Variants in MYO3A observed in about 807,000 individuals in gnomAD.
The protein encoded by MYO3A is myosin IIIA.
A neutral mutation model predicts 192.7 loss-of-function variants in MYO3A; 180 were observed. The observed-to-expected ratio is 0.93, with a 90% CI of 0.83 to 1.06. The LOEUF (loss-of-function observed/expected upper bound fraction) is 1.06. Ranked by LOEUF, MYO3A falls within the 50% of genes least tolerant of loss-of-function variation. MYO3A has a pLI of 0.00. For synonymous variants in MYO3A, 628 were observed against 645.3 expected (o/e 0.97, Z 0.41); for missense variants, 1,896 against 1,905.0 (o/e 1.00, Z 0.09).
chr10:26,114,148 A>G (rs73594304), intron 17 of MYO3A, among the ~76,000 whole-genome samples: 122 of 152,154 alleles, frequency 8.0e-4, no homozygotes, highest in African/African-American at 2.9e-3. Context: ...AGGAGCATCA[A>G]CACTATGGCC....
chr10:26,147,099 G>C (rs2131867664), intron 22 of MYO3A, among the ~76,000 whole-genome samples: 1 of 152,236 alleles, frequency 6.6e-6, no homozygotes, highest in East Asian at 1.9e-4. Context: ...ATGCCTTTGT[G>C]GCTCAATATG....
chr10:25,963,507 G>A (rs1838070094), intron 4 of MYO3A, among the ~76,000 whole-genome samples: 1 of 152,188 alleles, frequency 6.6e-6, no homozygotes, highest in African/African-American at 2.4e-5. Context: ...ACACAGAAGG[G>A]AATATAAAGC....
In MYO3A at chr10:26,067,070, A is replaced by G. The variant is rs1435202706; in HGVS notation, c.1049A>G (p.Asp350Gly). Residue 350 changes from aspartate to glycine, a missense_variant, in exon 11 of 35, where the codon GAT (aspartate) becomes GGT (glycine). Physicochemically the swap from Asp to Gly is moderately conservative, Grantham distance 94. Transcript: ENST00000642920. ...GATTTAGCAACCCTAGAAATTTTGG[A>G]TGAGGTAAGAATTTCAGTTTAATTA... Reference protein sequence around the residue: ...VDDLATLEILDENTVSEQLEK... With the variant: ...VDDLATLEILGENTVSEQLEK... 1.9e-6 allele frequency: 3 copies of G among 1,592,820 alleles called. No homozygotes were observed. The highest frequency in any genetic ancestry group is 2.6e-6 in the Non-Finnish European group (3 of 1,160,810).
In MYO3A at chr10:26,173,789, C is replaced by T. The variant is rs759217920; in HGVS notation, c.3525C>T (p.Thr1175=). 88 of 1,613,876 alleles carry T rather than the reference C, an allele frequency of 5.5e-5. No homozygotes were observed. In the South Asian group the frequency reaches 8.8e-4, roughly 16 times the overall value. The part of the protein sequence containing the change: ...KTSTFKPEEE[T]TNAVESNNRV... ...CCACTTTCAAACCTGAAGAGGAAAC[C>T]ACCAATGCTGTGGAGAGTAACAACA... is the stretch of plus-strand genomic sequence containing the variant. The change falls in exon 30 of 35, where the codon ACC becomes ACT. Residue 1175 remains threonine, a synonymous_variant. Transcript: ENST00000642920.
At chr10:26,090,411 G>T (rs1836628038) in intron 15 of MYO3A, among the ~76,000 whole-genome samples, 1 of 152,136 alleles carries the variant, frequency 6.6e-6, no homozygotes, top group African/African-American at 2.4e-5. Context: ...TATATTTAAG[G>T]CATGCTGTGA....
At chr10:26,141,009 C>A (rs1462894984) in intron 20 of MYO3A, among the ~76,000 whole-genome samples, 1 of 152,084 alleles carries the variant, frequency 6.6e-6, no homozygotes, top group African/African-American at 2.4e-5. Flanking sequence ...CTCACTACAA[C>A]CTCTCCCTCC....
In MYO3A at chr10:25,957,929, A is replaced by T. The variant is rs183111259; in HGVS notation, c.303+2921A>T. ...TGTTCATTTTCTTTGCCCACTTTTAATGAGGTTGTTTGTTTTTTCCTTCTA... is the reference window on the plus strand; with the variant it reads ...TGTTCATTTTCTTTGCCCACTTTTATTGAGGTTGTTTGTTTTTTCCTTCTA... On this transcript the variant is annotated intron_variant, in intron 4 of 34. Coordinates refer to ENST00000642920, the MANE Select transcript of MYO3A (RefSeq NM_017433.5). 4.1e-3 allele frequency among the ~76,000 whole-genome samples: 627 copies of T among 152,096 alleles called. 1 individual carries two copies. The highest frequency in any genetic ancestry group is 6.1e-3 in the Non-Finnish European group (412 of 67,974).
At chr10:25,995,851 C>T (rs996955793) in intron 4 of MYO3A, among the ~76,000 whole-genome samples, 2 of 152,226 alleles carry the variant, frequency 1.3e-5, no homozygotes, top group Non-Finnish European at 1.5e-5. Flanking sequence ...GCTGTCTGAT[C>T]GTTCCTCTGG....
chr10:26,158,495 T>A (rs149221358), intron 26 of MYO3A, among the ~76,000 whole-genome samples: 257 of 152,214 alleles, frequency 1.7e-3, no homozygotes, highest in African/African-American at 4.8e-3. Flanking sequence ...GACCTTGTGA[T>A]CCACCCGTCT....
At chr10:25,990,645 A>C (rs1176123819) in intron 4 of MYO3A, among the ~76,000 whole-genome samples, 1 of 144,514 alleles carries the variant, frequency 6.9e-6, no homozygotes, top group African/African-American at 2.7e-5. Flanking sequence ...ATATCTCCTA[A>C]GGCTACCCCT....
At position 26,045,309 on chromosome 10, in the gene MYO3A, A is replaced by T. The variant is rs563756610; in HGVS notation, c.953+18777A>T. ...TAGCATGTGATAACAATCAGCCTGCAAAATTTGATTACTAGTGTTATGACA... is the reference window on the plus strand; with the variant it reads ...TAGCATGTGATAACAATCAGCCTGCTAAATTTGATTACTAGTGTTATGACA... On this transcript the variant is annotated intron_variant, in intron 10 of 34. Transcript: ENST00000642920. 4.6e-5 allele frequency among the ~76,000 whole-genome samples: 7 copies of T among 152,308 alleles called. No individual in the cohort carries two copies. The South Asian group carries it at 1.5e-3, about 32-fold the overall frequency.
intron 10 of MYO3A, among the ~76,000 whole-genome samples, chr10:26,032,475 G>T (rs938328812): frequency 6.6e-6 from 1 of 152,080 alleles, no homozygotes; most frequent in Non-Finnish European, 1.5e-5. Flanking sequence ...AATTAGCCAG[G>T]TGTGGTGGCA....
intron 26 of MYO3A, among the ~76,000 whole-genome samples, chr10:26,158,383 G>T (rs761656218): frequency 1.3e-5 from 2 of 151,752 alleles, no homozygotes; most frequent in Non-Finnish European, 2.9e-5. Flanking sequence ...CTCCCGACTA[G>T]CTGGGAGTAC....
intron 2 of MYO3A, among the ~76,000 whole-genome samples, chr10:25,947,436 C>T (rs147823834): frequency 0.011 from 1,502 of 141,390 alleles, 31 homozygotes; most frequent in African/African-American, 0.035. Context: ...TCTTGATACC[C>T]AGGCTGGAGT....
intron 14 of MYO3A, 67 bp from the exon 15 acceptor site, chr10:26,088,136 A>T: frequency 7.9e-7 from 1 of 1,259,778 alleles, no homozygotes; most frequent in Non-Finnish European, 1.1e-6. Context: ...ACCAAAGAAG[A>T]GACATTTCAT....
chr10:26,003,018 T>A (rs1840947810), intron 6 of MYO3A, among the ~76,000 whole-genome samples: 1 of 152,122 alleles, frequency 6.6e-6, no homozygotes, highest in African/African-American at 2.4e-5. Flanking sequence ...AAGTACTTAA[T>A]GAATGAATGA....
At chr10:26,127,616 CATA>C (rs1260349147) in intron 19 of MYO3A, among the ~76,000 whole-genome samples, 1 of 152,104 alleles carries the variant, frequency 6.6e-6, no homozygotes, top group Non-Finnish European at 1.5e-5. Flanking sequence ...CACTTCCTTA[CATA>C]ATACTAAGTG....
chr10:26,171,841 C>T (rs1842061591), intron 29 of MYO3A, among the ~76,000 whole-genome samples: 1 of 152,164 alleles, frequency 6.6e-6, no homozygotes. Context: ...GAAATTACTG[C>T]TTGTAGATAT....
intron 6 of MYO3A, among the ~76,000 whole-genome samples, chr10:26,006,428 T>G (rs998648198): frequency 1.2e-4 from 18 of 151,952 alleles, no homozygotes; most frequent in African/African-American, 4.4e-4. Flanking sequence ...TTCAAAAAAC[T>G]AATGAATCCA....
Sources: allele counts gnomAD v4.1 joint callset (sites outside exome capture counted in the v4.1 genomes callset), GRCh38; gene constraint gnomAD v4.1.1; transcripts MANE v1.5; gene names NCBI Gene and HGNC (gene_info 2026-07-23, HGNC 2026-07-21).